Variants in SYK observed in about 807,000 individuals in gnomAD.
SYK encodes spleen associated tyrosine kinase.
Under a neutral mutation model 77.8 loss-of-function variants are expected in SYK, and 16 were observed. That is an observed-to-expected ratio of 0.21 (90% confidence interval 0.14 to 0.31). SYK has a LOEUF of 0.31. Among genes scored for constraint, SYK ranks in the 10% least tolerant of loss-of-function variants. SYK has a pLI of 1.00. For missense variants in SYK, 529 were observed against 814.4 expected (o/e 0.65, Z 4.26); for synonymous variants, 312 against 308.7 (o/e 1.01, Z -0.11).
chr9:90,853,650 T>C (rs865903733), intron 3 of SYK, among the ~76,000 whole-genome samples: 3 of 151,906 alleles, frequency 2.0e-5, no homozygotes, highest in Admixed American at 2.0e-4. Context: ...ATGTTCTCAC[T>C]CATAGGTGGG....
intron 3 of SYK, among the ~76,000 whole-genome samples, chr9:90,857,057 CCACT>C (rs1470755866): frequency 2.6e-5 from 4 of 152,222 alleles, no homozygotes; most frequent in African/African-American, 9.7e-5. Context: ...CTCTCATTTG[CCACT>C]CACTTTTTGC....
chr9:90,845,753 A>G (rs946311863), intron 3 of SYK, among the ~76,000 whole-genome samples, 159 bp downstream of exon 3: 1 of 152,206 alleles, frequency 6.6e-6, no homozygotes, highest in Admixed American at 6.5e-5. Context: ...AGACATTTCT[A>G]ACCAAAGCTA....
At chr9:90,891,512 C>G (rs915458283) in intron 13 of SYK, among the ~76,000 whole-genome samples, 1 of 152,080 alleles carries the variant, frequency 6.6e-6, no homozygotes. Flanking sequence ...ACACAGCTGC[C>G]GGCATTTACC....
At chr9:90,888,713 C>A in intron 13 of SYK, 86 bp downstream of exon 13, 1 of 1,052,246 alleles carries the variant, frequency 9.5e-7, no homozygotes, top group Non-Finnish European at 1.3e-6. Flanking sequence ...GGATAAAGTT[C>A]ACCTTTTCAT....
intron 1 of SYK, among the ~76,000 whole-genome samples, chr9:90,838,053 GAAGA>G (rs901502638): frequency 8.5e-5 from 13 of 152,216 alleles, no homozygotes; most frequent in African/African-American, 3.1e-4. Context: ...ACTGAGGGAG[GAAGA>G]GATTTGCTGA....
At chr9:90,864,975 G>T (rs1456707359) in intron 5 of SYK, 73 bp from the exon 6 acceptor site, 2 of 1,424,780 alleles carry the variant, frequency 1.4e-6, no homozygotes, top group East Asian at 4.5e-5. Flanking sequence ...CTCATTGATT[G>T]ATCTGCAGTG....
chr9:90,855,756 G>A (rs1322120417), intron 3 of SYK, among the ~76,000 whole-genome samples: 1 of 151,676 alleles, frequency 6.6e-6, no homozygotes, highest in African/African-American at 2.4e-5. Flanking sequence ...TGGAGGGCTG[G>A]CAAAAGCACA....
In SYK at chr9:90,896,169, T is replaced by A. The variant is rs1383705773; in HGVS notation, c.*569T>A. 8.6e-6 allele frequency: 2 copies of A among 232,726 alleles called. No individual in the cohort carries two copies. Among genetic ancestry groups the A allele is most frequent in the Non-Finnish European group, 1.7e-5 (2 of 117,972 alleles). 14.4% of individuals were successfully genotyped at this position (232,726 alleles called of 1,614,324 possible). ...AAAATCAAGTTTGACCAGTGCAGTT[T>A]CTAAGCATGTAGCCAGTTAAGGAAA... On this transcript the variant is annotated 3_prime_UTR_variant, in exon 14 of 14. Transcript: ENST00000375754.
chr9:90,846,885 A>G (rs941877949), intron 3 of SYK, among the ~76,000 whole-genome samples: 8 of 152,330 alleles, frequency 5.3e-5, no homozygotes, highest in Admixed American at 2.0e-4. Flanking sequence ...TTACCATCTC[A>G]GCAATAATTT....
At chr9:90,842,411 G>T (rs1414323256) in intron 1 of SYK, among the ~76,000 whole-genome samples, 1 of 151,060 alleles carries the variant, frequency 6.6e-6, no homozygotes, top group Non-Finnish European at 1.5e-5. Context: ...TGTGTTTCAT[G>T]TGTGTTTTGT....
At position 90,895,766 on chromosome 9, in the gene SYK, C is replaced by T. The variant is rs1213340457; in HGVS notation, c.*166C>T. ...CCCAAAGCCTGTCCCAGGACTCACC[C>T]TCCACAAAGCAAAGGCAGTCCCGGG... On this transcript the variant is annotated 3_prime_UTR_variant, in exon 14 of 14. Transcript: ENST00000375754. The surrounding 1 kb of genome is among the most constrained non-coding windows in gnomAD (Gnocchi z 4.4). 20 of 600,980 alleles carry T rather than the reference C, an allele frequency of 3.3e-5. 1 individual carries two copies. The South Asian group carries it at 4.0e-4, about 12-fold the overall frequency. The allele number at this position is 600,980 out of a possible 1,614,324, so 37.2% of individuals were successfully genotyped here. A position where few individuals can be genotyped will look rare whatever the true frequency, so the allele number is the denominator to read the frequency against.
At chr9:90,873,733 C>T (rs775320697) in intron 7 of SYK, among the ~76,000 whole-genome samples, 2 of 152,102 alleles carry the variant, frequency 1.3e-5, no homozygotes, top group Non-Finnish European at 2.9e-5. Context: ...AACATATGTG[C>T]GTTGGAGTTG....
At chr9:90,892,321 T>G (rs182278340) in intron 13 of SYK, among the ~76,000 whole-genome samples, 15 of 152,224 alleles carry the variant, frequency 9.9e-5, no homozygotes, top group African/African-American at 3.6e-4. Context: ...CCATTGCAGC[T>G]CCAATGCCCA....
At chr9:90,848,652 GTCAGCTAA>G (rs1178107948) in intron 3 of SYK, among the ~76,000 whole-genome samples, 1 of 152,116 alleles carries the variant, frequency 6.6e-6, no homozygotes, top group Non-Finnish European at 1.5e-5. Context: ...CAATCATCAT[GTCAGCTAA>G]TCCATCCATG....
In SYK at chr9:90,802,898, G is replaced by T. The variant is rs369511427; in HGVS notation, c.-42+1005G>T. On this transcript the variant is annotated intron_variant, in intron 1 of 13. Transcript: ENST00000375754. ...AAAAAAGGAACCATTTAATCCCTAA[G>T]AGTTCCTGGAAGAAATGGAATTGAT... 2.7e-5 allele frequency among the ~76,000 whole-genome samples: 4 copies of T among 145,898 alleles called. No individual in the cohort carries two copies. In the East Asian group the frequency reaches 8.0e-4, roughly 29 times the overall value.
At chr9:90,846,304 G>A (rs1826590211) in intron 3 of SYK, among the ~76,000 whole-genome samples, 1 of 152,196 alleles carries the variant, frequency 6.6e-6, no homozygotes, top group Non-Finnish European at 1.5e-5. Flanking sequence ...GTCCCTGGGG[G>A]AAATGATCCC....
intron 3 of SYK, among the ~76,000 whole-genome samples, chr9:90,846,980 G>A (rs74899886): frequency 0.035 from 5,312 of 152,324 alleles, 306 homozygotes; most frequent in African/African-American, 0.12. Context: ...CGATGAGGCT[G>A]GCCAACTTCT....
intron 1 of SYK, among the ~76,000 whole-genome samples, chr9:90,807,573 C>T (rs993815465): frequency 1.3e-5 from 2 of 152,178 alleles, no homozygotes; most frequent in African/African-American, 4.8e-5. Flanking sequence ...CAGAGCCTCT[C>T]CCAGGCGGGC....
At position 90,895,654 on chromosome 9, in the gene SYK, A is replaced by G; in HGVS notation, c.*54A>G. 6.5e-7 allele frequency: 1 copy of G among 1,536,680 alleles called. No homozygotes were observed. The highest frequency in any genetic ancestry group is 9.0e-7 in the Non-Finnish European group (1 of 1,110,998). On this transcript the variant is annotated 3_prime_UTR_variant, in exon 14 of 14. Transcript: ENST00000375754. The surrounding 1 kb of genome is among the most constrained non-coding windows in gnomAD (Gnocchi z 4.4). ...TTGATCACAGGAGCAATCACAGGAA[A>G]ATGTATCCAGAGGAATTGATTGTCA...
Sources: allele counts gnomAD v4.1 joint callset (sites outside exome capture counted in the v4.1 genomes callset), GRCh38; gene constraint gnomAD v4.1.1; non-coding constraint Gnocchi (gnomAD v3.1); transcripts MANE v1.5; gene names NCBI Gene and HGNC (gene_info 2026-07-23, HGNC 2026-07-21).